The following CLIC5 variants were observed in gnomAD, a reference collection of about 807,000 sequenced individuals.
The protein encoded by CLIC5 is CLIC family member 5.
A neutral mutation model predicts 24.7 loss-of-function variants in CLIC5; 20 were observed. That is an observed-to-expected ratio of 0.81 (90% CI 0.57 to 1.18). CLIC5 has a LOEUF of 1.18. CLIC5 is among the 50% of genes most tolerant of loss of function. The probability of loss-of-function intolerance (pLI) is 0.00; values close to 1 mark genes in which losing one functional copy is unlikely to be tolerated. For synonymous variants in CLIC5, 159 were observed against 135.6 expected, an observed-to-expected ratio of 1.17 and a Z score of -1.20; for missense variants, 341 against 326.1, an observed-to-expected ratio of 1.05 and a Z score of -0.35.
At chr6:46,012,926 G>A (rs1766855861) in intron 1 of CLIC5, among the ~76,000 whole-genome samples, 1 of 152,174 alleles carries the variant, frequency 6.6e-6, no homozygotes, top group African/African-American at 2.4e-5. Context: ...ATGAGATAAG[G>A]TATTTGAACA....
chr6:46,072,800 T>C (rs951564043), intron 1 of CLIC5, among the ~76,000 whole-genome samples: 3 of 152,138 alleles, frequency 2.0e-5, no homozygotes, highest in African/African-American at 7.2e-5. Context: ...AAGGTGTGAG[T>C]ACCCAGGCAG....
chr6:46,056,555 G>A (rs892748744), intron 1 of CLIC5, among the ~76,000 whole-genome samples: 10 of 152,148 alleles, frequency 6.6e-5, no homozygotes, highest in African/African-American at 1.7e-4. Context: ...ATCTCTTTCC[G>A]ACTCCCTGTT....
chr6:46,058,594 G>A (rs1279405108), intron 1 of CLIC5, among the ~76,000 whole-genome samples: 1 of 152,198 alleles, frequency 6.6e-6, no homozygotes, highest in Non-Finnish European at 1.5e-5. Flanking sequence ...AAAGTGCCAT[G>A]GGCACAATCT....
chr6:46,046,196 T>C (rs1767947975), intron 1 of CLIC5, among the ~76,000 whole-genome samples: 2 of 152,230 alleles, frequency 1.3e-5, no homozygotes, highest in African/African-American at 4.8e-5. Flanking sequence ...TTCTAACTGA[T>C]GTGTAACTTT....
chr6:45,919,342 T>C (rs796800115), intron 4 of CLIC5, among the ~76,000 whole-genome samples: 25 of 152,238 alleles, frequency 1.6e-4, no homozygotes, highest in African/African-American at 6.0e-4. Context: ...AGGTTCTGCA[T>C]TTCTTCTGTT....
At position 45,901,039 on chromosome 6, in the gene CLIC5, T is replaced by G. The variant is rs931086110; in HGVS notation, c.*2049A>C. ...GGGTCTCAGGGAAGTAAACTGCCTC[T>G]TAGGTCATCCTGCCTGTGCTGTAAA... On this transcript the variant is annotated 3_prime_UTR_variant, in exon 6 of 6. Transcript: ENST00000339561. 4 of 152,194 alleles carry G rather than the reference T, an allele frequency of 2.6e-5. No homozygotes were observed. The highest frequency in any genetic ancestry group is 9.7e-5 in the African/African-American group (4 of 41,434). 9.4% of individuals were successfully genotyped at this position (152,194 alleles called of 1,614,324 possible). A position where few individuals can be genotyped will look rare whatever the true frequency, so the allele number is the denominator to read the frequency against.
chr6:45,881,165 C>T (rs959736333), exon 7 of CLIC5: 2 of 398,096 alleles, frequency 5.0e-6, no homozygotes. Context: ...ACTCCATGCC[C>T]CCTTTTTTTC....
At chr6:45,982,910 G>T (rs1399669108) in intron 1 of CLIC5, among the ~76,000 whole-genome samples, 3 of 152,198 alleles carry the variant, frequency 2.0e-5, no homozygotes, top group African/African-American at 7.2e-5. Flanking sequence ...TTTGGAGTTT[G>T]TAAGAGCTGA....
chr6:46,116,152 C>T, the CLIC5 span, among the ~76,000 whole-genome samples: 1 of 151,276 alleles, frequency 6.6e-6, no homozygotes, highest in East Asian at 1.9e-4. Context: ...CTGGAAGCAG[C>T]TTTGGAGAGA....
At chr6:45,951,364 A>G (rs974822180) in intron 2 of CLIC5, among the ~76,000 whole-genome samples, 1 of 152,176 alleles carries the variant, frequency 6.6e-6, no homozygotes, top group Non-Finnish European at 1.5e-5. Context: ...AATTAACTGA[A>G]CAATTAATTG....
chr6:45,969,026 C>G (rs1394477564), intron 1 of CLIC5, among the ~76,000 whole-genome samples: 1 of 152,202 alleles, frequency 6.6e-6, no homozygotes, highest in African/African-American at 2.4e-5. Flanking sequence ...GAAAGACACT[C>G]TGTTCCTAAA....
At chr6:45,971,613 A>G (rs1765203876) in intron 1 of CLIC5, among the ~76,000 whole-genome samples, 1 of 152,216 alleles carries the variant, frequency 6.6e-6, no homozygotes, top group Admixed American at 6.5e-5. Context: ...AGCCCCTTCA[A>G]ATTGTTTTTT....
At chr6:46,067,003 G>C (rs1052139548) in intron 1 of CLIC5, among the ~76,000 whole-genome samples, 1 of 152,176 alleles carries the variant, frequency 6.6e-6, no homozygotes, top group Non-Finnish European at 1.5e-5. Flanking sequence ...TAGGTTGCTA[G>C]GGGCAGAACA....
chr6:45,946,980 C>T (rs1764309673), intron 3 of CLIC5, among the ~76,000 whole-genome samples: 1 of 152,142 alleles, frequency 6.6e-6, no homozygotes, highest in Admixed American at 6.5e-5. Context: ...CAACTGCAGT[C>T]CAGAGAAGGA....
chr6:45,992,868 G>A (rs1765991785), intron 1 of CLIC5, among the ~76,000 whole-genome samples: 1 of 152,014 alleles, frequency 6.6e-6, no homozygotes, highest in African/African-American at 2.4e-5. Context: ...ATTACTTTTG[G>A]GGTGATAATT....
At chr6:46,026,692 T>A (rs1168164772) in intron 1 of CLIC5, among the ~76,000 whole-genome samples, 2 of 152,148 alleles carry the variant, frequency 1.3e-5, no homozygotes, top group Non-Finnish European at 2.9e-5. Context: ...GTGCCAGATG[T>A]TGTACTCAAT....
intron 1 of CLIC5, among the ~76,000 whole-genome samples, chr6:45,974,534 G>T (rs867688112): frequency 0.05 from 5,410 of 108,924 alleles, 84 homozygotes; most frequent in African/African-American, 0.061. Context: ...GAGAGAGAGA[G>T]AGAGAGAGAG....
In CLIC5 at chr6:46,063,280, A is replaced by T. The variant is rs116911929; in HGVS notation, c.540+16423T>A. On this transcript the variant is annotated intron_variant, in intron 1 of 5. Transcript: ENST00000185206. ...AGAACAGAGAAGCAACTCAAGATAA[A>T]TGGAGATCTTAGAGTCAATTGCAAC... 1.9e-3 allele frequency among the ~76,000 whole-genome samples: 294 copies of T among 152,352 alleles called. 4 individuals carry two copies. In the East Asian group the frequency reaches 0.03, roughly 15 times the overall value.
At chr6:45,974,453 T>A (rs1008529127) in intron 1 of CLIC5, among the ~76,000 whole-genome samples, 1 of 147,644 alleles carries the variant, frequency 6.8e-6, no homozygotes. Context: ...AACAATATGT[T>A]TTTCATGTCT....
Sources: gnomAD v4.1 joint callset for allele counts (sites outside exome capture counted in the v4.1 genomes callset) on GRCh38, gnomAD v4.1.1 for gene constraint, MANE v1.5 for transcripts, NCBI Gene and HGNC (gene_info 2026-07-23, HGNC 2026-07-21) for gene names.